SMN2: variants seen among roughly 807,000 people sequenced by gnomAD.
SMN2 encodes survival of motor neuron 2, centromeric, also known as survival motor neuron protein.
A neutral mutation model predicts 2.8 loss-of-function variants in SMN2; 1 was observed. That is an observed-to-expected ratio of 0.35 (90% CI 0.13 to 1.68). The LOEUF (loss-of-function observed/expected upper bound fraction) is 1.68, where lower values mean the gene tolerates loss of function less well. Ranked by LOEUF, SMN2 falls within the 40% of genes most tolerant of loss-of-function variation. The pLI is 0.35. For missense variants in SMN2, 12 were observed against 16.9 expected (o/e 0.71, Z 0.51); for synonymous variants, 5 against 5.0 (o/e 0.99, Z 0.01).
intron 8 of SMN2, chr5:70,076,786 G>A (rs145999618): frequency 0.011 from 15,201 of 1,337,590 alleles, 3,239 homozygotes; most frequent in Middle Eastern, 0.019. Flanking sequence ...TAACTGGTTG[G>A]TTGTGTGGAA....
chr5:70,082,073 G>A (rs1210655859), downstream of SMN2, among the ~76,000 whole-genome samples: 1 of 136,078 alleles, frequency 7.3e-6, no homozygotes, highest in Non-Finnish European at 1.5e-5. Flanking sequence ...TTAGCATGAG[G>A]GATTGTTGAA....
the SMN2 span, among the ~76,000 whole-genome samples, chr5:70,085,577 CAG>C: frequency 1.6e-5 from 1 of 61,780 alleles, no homozygotes; most frequent in East Asian, 5.0e-4. Flanking sequence ...TAAACAGAAA[CAG>C]ATATAAAACA....
In SMN2 at chr5:70,052,261, G is replaced by A. The variant is rs1354789003; in HGVS notation, c.81+2495G>A. The stretch of plus-strand genomic sequence containing the variant: ...AGACAGTTTAAAAAGTGGGAGGATC[G>A]GCCGGGCGCTGTGGCTGACACCTGT... On this transcript the variant is annotated intron_variant, in intron 1 of 8. Coordinates refer to ENST00000380743, the MANE Select transcript of SMN2 (RefSeq NM_017411.4). Among the ~76,000 whole-genome samples the A allele has an allele frequency of 4.8e-4, 55 of 115,532 alleles. 1 individual carries two copies. Among genetic ancestry groups the A allele is most frequent in the African/African-American group, 1.2e-3 (40 of 34,504 alleles). 75.8% of individuals were successfully genotyped at this position (115,532 alleles called of 152,430 possible).
Position 70,074,924 on chromosome 5 carries a change from G to A in SMN2, c.835-1597G>A, listed in dbSNP as rs1404358565. On this transcript the variant is annotated intron_variant, in intron 7 of 8. Coordinates refer to ENST00000380743, the MANE Select transcript of SMN2 (RefSeq NM_017411.4). ...GGAGAATTGCTTGAACCGAGAAGGC[G>A]GAGGTTGCGGTGAGCCAAGATTGCA... 2.8e-4 allele frequency among the ~76,000 whole-genome samples: 36 copies of A among 126,866 alleles called. 7 individuals carry two copies. The highest frequency in any genetic ancestry group is 4.9e-4 in the Non-Finnish European group (29 of 59,710). The allele number at this position is 126,866 out of a possible 152,430, so 83.2% of individuals were successfully genotyped here. A position where few individuals can be genotyped will look rare whatever the true frequency, so the allele number is the denominator to read the frequency against.
At chr5:70,088,424 CTTTTTTTTTTTTTTTT>C in the SMN2 span, among the ~76,000 whole-genome samples, 2 of 36,642 alleles carry the variant, frequency 5.5e-5, no homozygotes, top group Non-Finnish European at 8.4e-5. Flanking sequence ...AAGTTTCAAA[CTTTTTTTTTTTTTTTT>C]TTTTTTTTTT....
At chr5:70,079,484 G>A (rs1297107690), downstream of SMN2, among the ~76,000 whole-genome samples, 1 of 147,450 alleles carries the variant, frequency 6.8e-6, no homozygotes, top group Non-Finnish European at 1.5e-5. Flanking sequence ...GGCCAGGCAC[G>A]GTGGCTTACA....
chr5:70,052,578 C>T (rs1273895922), intron 1 of SMN2, among the ~76,000 whole-genome samples: 4 of 29,808 alleles, frequency 1.3e-4, no homozygotes, highest in East Asian at 5.2e-4. Context: ...AAAAATTAGC[C>T]GGGCGTGGTG....
chr5:70,080,255 C>G (rs191039674), downstream of SMN2, among the ~76,000 whole-genome samples: 2,129 of 135,870 alleles, frequency 0.016, 472 homozygotes, highest in African/African-American at 0.063. Context: ...CACTTGAACC[C>G]AGGAGGCGGA....
chr5:70,074,941 A>G (rs1397078311), intron 7 of SMN2, among the ~76,000 whole-genome samples: 7 of 121,708 alleles, frequency 5.8e-5, no homozygotes, highest in Non-Finnish European at 8.6e-5. Flanking sequence ...GCGGTGAGCC[A>G]AGATTGCACC....
At position 70,074,767 on chromosome 5, in the gene SMN2, C is replaced by A. The variant is rs1677373; in HGVS notation, c.835-1754C>A. Among the ~76,000 whole-genome samples, 6 of 129,044 alleles carry A rather than the reference C, an allele frequency of 4.6e-5. 1 individual carries two copies. Among genetic ancestry groups the A allele is most frequent in the Non-Finnish European group, 9.9e-5 (6 of 60,680 alleles). 84.7% of individuals were successfully genotyped at this position (129,044 alleles called of 152,430 possible). ...CAACACTTTGGGAGGCCAAGGCAGGCGAATCACCTGAAGTCGGGAGTTCCA... is the reference window on the plus strand; with the variant it reads ...CAACACTTTGGGAGGCCAAGGCAGGAGAATCACCTGAAGTCGGGAGTTCCA... On this transcript the variant is annotated intron_variant, in intron 7 of 8. Coordinates refer to ENST00000380743, the MANE Select transcript of SMN2 (RefSeq NM_017411.4).
downstream of SMN2, among the ~76,000 whole-genome samples, chr5:70,081,723 A>G: frequency 5.9e-5 from 1 of 16,954 alleles, no homozygotes; most frequent in Non-Finnish European, 1.1e-4. Context: ...GTATCCTGAG[A>G]CTTTGCTGAA....
chr5:70,083,243 G>C (rs71235092), downstream of SMN2, among the ~76,000 whole-genome samples: 12 of 106,964 alleles, frequency 1.1e-4, 1 homozygote, highest in Non-Finnish European at 2.0e-4. Context: ...TATAATTTCT[G>C]TTCTTTTACG....
At chr5:70,088,499 G>C in the SMN2 span, among the ~76,000 whole-genome samples, 1 of 77,286 alleles carries the variant, frequency 1.3e-5, no homozygotes, top group Admixed American at 1.8e-4. Context: ...GTGCAGTGGC[G>C]TGATCTTGGC....
At chr5:70,052,199 A>G (rs1254135793) in intron 1 of SMN2, among the ~76,000 whole-genome samples, 1 of 141,960 alleles carries the variant, frequency 7.0e-6, no homozygotes, top group Non-Finnish European at 1.6e-5. Context: ...TCAAAAAAAA[A>G]AAAAAAGAAA....
chr5:70,082,213 C>T (rs1774865582), downstream of SMN2, among the ~76,000 whole-genome samples: 1 of 120,574 alleles, frequency 8.3e-6, no homozygotes, highest in Non-Finnish European at 1.6e-5. Flanking sequence ...GGGATGAAGC[C>T]CACTTGATCA....
chr5:70,088,526 C>T, the SMN2 span, among the ~76,000 whole-genome samples: 19 of 93,116 alleles, frequency 2.0e-4, 1 homozygote, highest in African/African-American at 9.8e-4. Flanking sequence ...CAACCTCTGC[C>T]TCCCGGGTTC....
chr5:70,079,431 CAAA>C (rs58866189), downstream of SMN2, among the ~76,000 whole-genome samples: 14 of 103,864 alleles, frequency 1.3e-4, no homozygotes, highest in South Asian at 1.2e-3. Flanking sequence ...GACTCCGTCT[CAAA>C]AAAAAAAAAA....
chr5:70,083,830 A>C, the SMN2 span, among the ~76,000 whole-genome samples: 1 of 133,320 alleles, frequency 7.5e-6, no homozygotes, highest in Admixed American at 7.4e-5. Context: ...GAGGGATAGC[A>C]TTAGGAGATA....
chr5:70,076,345 AC>A lies in SMN2; in HGVS notation c.835-175del, dbSNP rs1774752326. 1.7e-5 allele frequency among the ~76,000 whole-genome samples: 2 copies of A among 115,282 alleles called. 1 individual carries two copies. The highest frequency in any genetic ancestry group is 3.5e-5 in the Non-Finnish European group (2 of 57,066). 75.6% of individuals were successfully genotyped at this position (115,282 alleles called of 152,430 possible). A position where few individuals can be genotyped will look rare whatever the true frequency, so the allele number is the denominator to read the frequency against. ...CCTAATAATTGTTTTCTTTGGGATA[AC>A]TTTTAAAGTACATTAAAAGACTATC... On this transcript the variant is annotated intron_variant, in intron 7 of 8. Transcript: ENST00000380743.
Sources: gnomAD v4.1 joint callset for allele counts (sites outside exome capture counted in the v4.1 genomes callset) on GRCh38, gnomAD v4.1.1 for gene constraint, MANE v1.5 for transcripts, NCBI Gene and HGNC (gene_info 2026-07-23, HGNC 2026-07-21) for gene names.